The following RABGAP1L variants were observed in gnomAD, a reference collection of about 807,000 sequenced individuals.
RABGAP1L encodes the protein rab GTPase-activating protein 1-like.
In RABGAP1L, 63 loss-of-function variants were observed where a neutral mutation model predicts 137.7. That is an observed-to-expected ratio of 0.46 (90% CI 0.37 to 0.56). The LOEUF is 0.56. Among genes scored for constraint, RABGAP1L ranks in the 20% least tolerant of loss-of-function variants. The pLI is 0.00. For missense variants in RABGAP1L, 1,095 were observed against 1,244.0 expected (o/e 0.88, Z 1.80); for synonymous variants, 431 against 433.7 (o/e 0.99, Z 0.08).
chr1:174,964,947 A>G (rs751004457), intron 20 of RABGAP1L: 39 of 1,506,274 alleles, frequency 2.6e-5, no homozygotes, highest in Non-Finnish European at 3.3e-5. Context: ...CTTTGTACCT[A>G]TGATTGAAAA....
chr1:174,496,381 A>G (rs971634692), intron 13 of RABGAP1L, among the ~76,000 whole-genome samples: 7 of 152,190 alleles, frequency 4.6e-5, no homozygotes, highest in African/African-American at 1.7e-4. Context: ...GAAAACAGTC[A>G]GTTAGGTTCT....
At chr1:174,648,107 AAT>A (rs1476794206) in intron 14 of RABGAP1L, among the ~76,000 whole-genome samples, 3 of 151,670 alleles carry the variant, frequency 2.0e-5, no homozygotes, top group Admixed American at 6.6e-5. Flanking sequence ...CTTTTTTATT[AAT>A]CTGGGTAATG....
chr1:174,448,649 T>TG lies in RABGAP1L; in HGVS notation c.1710+54509dup, dbSNP rs1558243622. 1 of 1,613,876 alleles carries TG rather than the reference T, an allele frequency of 6.2e-7. No homozygotes were observed. Among genetic ancestry groups the TG allele is most frequent in the Non-Finnish European group, 8.5e-7 (1 of 1,179,796 alleles). ...AATTTTCTTGCCTTCCTTTTTTGGC[T>TG]GGGGGAAACCTGGTTACCATGGTGA... On this transcript the variant is annotated intron_variant, in intron 13 of 25. Transcript: ENST00000681986. This position sits in a 1 kb window ranked among gnomAD's most constrained non-coding sequence, Gnocchi z 4.2.
At chr1:174,317,818 G>T (rs542962476) in intron 11 of RABGAP1L, among the ~76,000 whole-genome samples, 1 of 152,070 alleles carries the variant, frequency 6.6e-6, no homozygotes, top group Non-Finnish European at 1.5e-5. Flanking sequence ...AATTTGTACC[G>T]CTGGGGTCAG....
intron 3 of RABGAP1L, among the ~76,000 whole-genome samples, chr1:174,221,569 C>G (rs1180587256): frequency 6.6e-6 from 1 of 152,172 alleles, no homozygotes; most frequent in Non-Finnish European, 1.5e-5. Context: ...TCAATTCCAA[C>G]AGTGTATTAA....
rs1308445627 is a variant in RABGAP1L, at chr1:174,954,982, C to CTA, written c.2341-2473_2341-2472dup. 1.2e-4 allele frequency among the ~76,000 whole-genome samples: 19 copies of CTA among 152,322 alleles called. 1 individual carries two copies. In the East Asian group the frequency reaches 3.7e-3, roughly 29 times the overall value. On this transcript the variant is annotated intron_variant, in intron 19 of 25. Coordinates refer to ENST00000681986, the MANE Select transcript of RABGAP1L (RefSeq NM_001366446.1). ...GAGAAAATAAAAGAAATTGAGACTG[C>CTA]TATCAAAGCCAAGAAAAATAATGTT...
intron 11 of RABGAP1L, among the ~76,000 whole-genome samples, chr1:174,327,626 G>A (rs1006613433): frequency 6.6e-5 from 10 of 151,884 alleles, no homozygotes; most frequent in Admixed American, 6.6e-5. Context: ...TGATAATATG[G>A]CAGCATCAAG....
In RABGAP1L at chr1:174,631,560, T is replaced by A. The variant is rs879308665; in HGVS notation, c.1711-5815T>A. Among the ~76,000 whole-genome samples, 384 of 88,270 alleles carry A rather than the reference T, an allele frequency of 4.4e-3. 3 individuals are homozygous for A. Among genetic ancestry groups the A allele is most frequent in the Non-Finnish European group, 6.3e-3 (299 of 47,266 alleles). The allele number at this position is 88,270 out of a possible 152,430, so 57.9% of individuals were successfully genotyped here. A position where few individuals can be genotyped will look rare whatever the true frequency, so the allele number is the denominator to read the frequency against. On this transcript the variant is annotated intron_variant, in intron 13 of 25. Transcript: ENST00000681986. ...TTTGTAGGTCACTCAGGACTTGCTT[T>A]ATGAATCTGGGTGCTCCTGTATTGG...
chr1:174,635,298 C>A (rs1673902419), intron 13 of RABGAP1L, among the ~76,000 whole-genome samples: 1 of 152,068 alleles, frequency 6.6e-6, no homozygotes, highest in Non-Finnish European at 1.5e-5. Context: ...ACATATTTAC[C>A]CCTGAAATAT....
intron 12 of RABGAP1L, among the ~76,000 whole-genome samples, chr1:174,380,874 T>C (rs1353734565): frequency 3.7e-5 from 5 of 134,156 alleles, no homozygotes; most frequent in Non-Finnish European, 7.8e-5. Context: ...CTTTTAATTG[T>C]GATGTTAGGG....
In RABGAP1L at chr1:174,990,185, A is replaced by G; in HGVS notation, c.*184A>G. On this transcript the variant is annotated 3_prime_UTR_variant, in exon 26 of 26. Coordinates refer to ENST00000681986, the MANE Select transcript of RABGAP1L (RefSeq NM_001366446.1). ...GATGCTATTTAAACTGACCTGTTCTATGTTGAATACCTATTTTCCAGCTTC... is the reference window on the plus strand; with the variant it reads ...GATGCTATTTAAACTGACCTGTTCTGTGTTGAATACCTATTTTCCAGCTTC... 5 of 664,532 alleles carry G rather than the reference A, an allele frequency of 7.5e-6. No homozygotes were observed. Among genetic ancestry groups the G allele is most frequent in the Non-Finnish European group, 9.4e-6 (4 of 423,358 alleles). 41.2% of individuals were successfully genotyped at this position (664,532 alleles called of 1,614,324 possible). A position where few individuals can be genotyped will look rare whatever the true frequency, so the allele number is the denominator to read the frequency against.
At chr1:174,337,995 C>G (rs1275424847) in intron 11 of RABGAP1L, among the ~76,000 whole-genome samples, 1 of 152,066 alleles carries the variant, frequency 6.6e-6, no homozygotes, top group Non-Finnish European at 1.5e-5. Context: ...GCGTTTGACT[C>G]AAATATAGTA....
intron 19 of RABGAP1L, among the ~76,000 whole-genome samples, chr1:174,858,113 G>A (rs1231827): frequency 0.35 from 53,793 of 151,960 alleles, 12,030 homozygotes; most frequent in African/African-American, 0.64. Context: ...CCCAGGCTCA[G>A]ATGATCCTCC....
chr1:174,472,822 C>T (rs1658091712), intron 13 of RABGAP1L, among the ~76,000 whole-genome samples: 1 of 152,144 alleles, frequency 6.6e-6, no homozygotes, highest in African/African-American at 2.4e-5. Flanking sequence ...CAATAAACCA[C>T]ATTTATCAGG....
intron 21 of RABGAP1L, among the ~76,000 whole-genome samples, chr1:174,972,165 A>G (rs2149369205): frequency 6.6e-6 from 1 of 152,302 alleles, no homozygotes; most frequent in East Asian, 1.9e-4. Flanking sequence ...GTCCTTCCCT[A>G]TTTGCAAGGA....
chr1:174,233,900 T>G (rs1670914178), intron 4 of RABGAP1L, among the ~76,000 whole-genome samples: 2 of 102,738 alleles, frequency 1.9e-5, no homozygotes, highest in Non-Finnish European at 3.5e-5. Flanking sequence ...AAAGTGTTCC[T>G]ATTTCTCCAC....
chr1:174,609,980 A>C (rs1378324817), intron 13 of RABGAP1L, among the ~76,000 whole-genome samples: 1 of 151,484 alleles, frequency 6.6e-6, no homozygotes, highest in Non-Finnish European at 1.5e-5. Flanking sequence ...TATAATATGT[A>C]AAATTATTTT....
At chr1:174,980,646 G>A (rs1258536030) in intron 23 of RABGAP1L, among the ~76,000 whole-genome samples, 1 of 152,154 alleles carries the variant, frequency 6.6e-6, no homozygotes, top group Non-Finnish European at 1.5e-5. Context: ...GAGAAGCAAA[G>A]GGACGTTAGG....
intron 17 of RABGAP1L, among the ~76,000 whole-genome samples, chr1:174,743,234 G>T (rs549309126): frequency 1.3e-5 from 2 of 152,306 alleles, no homozygotes; most frequent in Non-Finnish European, 2.9e-5. Flanking sequence ...CTAGAGAGGG[G>T]TAAGGAAGCA....
Sources: allele counts gnomAD v4.1 joint callset (sites outside exome capture counted in the v4.1 genomes callset), GRCh38; gene constraint gnomAD v4.1.1; non-coding constraint Gnocchi (gnomAD v3.1); transcripts MANE v1.5; gene names NCBI Gene and HGNC (gene_info 2026-07-23, HGNC 2026-07-21).